ANKLE1: variants seen among roughly 807,000 people sequenced by gnomAD.
ANKLE1 encodes ankyrin repeat and LEM domain containing 1, also known as structure-specific endonuclease ANKLE1.
A neutral mutation model predicts 56.2 loss-of-function variants in ANKLE1; 59 were observed. The observed-to-expected ratio is 1.05, with a 90% confidence interval of 0.85 to 1.30. ANKLE1 has a LOEUF of 1.30. Among genes scored for constraint, ANKLE1 ranks in the 50% most tolerant of loss-of-function variants. The probability of loss-of-function intolerance (pLI) is 0.00; values close to 1 mark genes in which losing one functional copy is unlikely to be tolerated. For synonymous variants in ANKLE1, 341 were observed against 352.9 expected, an observed-to-expected ratio of 0.97 and a Z score of 0.38; for missense variants, 771 against 816.1, an observed-to-expected ratio of 0.94 and a Z score of 0.67.
rs775134570 is a variant in ANKLE1 at position 17,283,584 on chromosome 19, C to T, written c.820C>T (p.Arg274Cys). The change falls in exon 5 of 9, where the codon CGT becomes TGT. Residue 274 changes from arginine (R) to cysteine (C), a missense_variant. By Grantham distance (180) the Arg-to-Cys change is radical. Transcript: ENST00000404085. The part of the protein sequence containing the change: ...SQGTEAELNA[R>C]LQALTLTPPN... ...GGGCACGGAGGCAGAACTGAATGCCCGTCTGCAGGCCCTGACTCTGACCCC... is the reference window on the plus strand; with the variant it reads ...GGGCACGGAGGCAGAACTGAATGCCTGTCTGCAGGCCCTGACTCTGACCCC... 2.7e-5 allele frequency: 43 copies of T among 1,612,114 alleles called. No homozygotes were observed. Among genetic ancestry groups the T allele is most frequent in the Non-Finnish European group, 3.1e-5 (36 of 1,179,192 alleles).
In ANKLE1 at chr19:17,285,706, G is replaced by A. The variant is rs745821293; in HGVS notation, c.1562G>A (p.Arg521His). 43 of 1,613,838 alleles carry A rather than the reference G, an allele frequency of 2.7e-5. No individual in the cohort carries two copies. Among genetic ancestry groups the A allele is most frequent in the Middle Eastern group, 1.6e-4 (1 of 6,084 alleles). ...CCCCACCAGGCCTGCCCCAAGGTGC[G>A]TCAGATCTTGGACATCTGGGCCAGT... Reference protein sequence around the residue: ...KQPHQACPKVRQILDIWASGC... With the variant: ...KQPHQACPKVHQILDIWASGC... The change falls in exon 8 of 9, where the codon CGT becomes CAT. Residue 521 changes from arginine to histidine, a missense_variant. Coordinates refer to ENST00000404085, the MANE Select transcript of ANKLE1 (RefSeq NM_152363.6).
chr19:17,283,535 C>T lies in ANKLE1; in HGVS notation c.771C>T (p.Ala257=), dbSNP rs755288636. The T allele has an allele frequency of 1.4e-5, 23 of 1,612,950 alleles. No individual in the cohort carries two copies. The highest frequency in any genetic ancestry group is 1.9e-5 in the Non-Finnish European group (23 of 1,179,786). Reference sequence around the variant, plus strand: ...AGGGACTTCTGCATGTTGTCCATGCCAACCAGAGGGTACCTAGGTCTCAGG... The same window carrying T: ...AGGGACTTCTGCATGTTGTCCATGCTAACCAGAGGGTACCTAGGTCTCAGG... ...TRQGLLHVVH[A]NQRVPRSQGT... The change falls in exon 5 of 9, where the codon GCC becomes GCT. Residue 257 remains alanine (A), a synonymous_variant. Transcript: ENST00000404085.
In ANKLE1 at chr19:17,287,449, A is replaced by C. The variant is rs889161092; in HGVS notation, c.*897A>C. On this transcript the variant is annotated 3_prime_UTR_variant, in exon 9 of 9. Transcript: ENST00000404085. Reference sequence around the variant, plus strand: ...CTGTCTCAAACAAACAAACAAAAAAACAAATGCCACATCAACATCAGGACG... The same window carrying C: ...CTGTCTCAAACAAACAAACAAAAAACCAAATGCCACATCAACATCAGGACG... The C allele has an allele frequency of 6.6e-6, 1 of 151,782 alleles. No homozygotes were observed. Among genetic ancestry groups the C allele is most frequent in the Admixed American group, 6.6e-5 (1 of 15,250 alleles). 9.4% of individuals were successfully genotyped at this position (151,782 alleles called of 1,614,324 possible).
Position 17,286,848 on chromosome 19 carries a change from A to G in ANKLE1, c.*296A>G. Reference sequence around the variant, plus strand: ...AGGGAAGCAGAAGGTGCTTTGGAACAGTCCGGTGCTTCTGTAAGAGGCGTT... The same window carrying G: ...AGGGAAGCAGAAGGTGCTTTGGAACGGTCCGGTGCTTCTGTAAGAGGCGTT... On this transcript the variant is annotated 3_prime_UTR_variant, in exon 9 of 9. Transcript: ENST00000404085. 1.7e-6 allele frequency: 2 copies of G among 1,208,860 alleles called. No homozygotes were observed. The highest frequency in any genetic ancestry group is 2.1e-6 in the Non-Finnish European group (2 of 962,194). 74.9% of individuals were successfully genotyped at this position (1,208,860 alleles called of 1,614,324 possible).
At chr19:17,285,636 G>T (rs1360708979) in intron 7 of ANKLE1, 45 bp from the exon 8 acceptor site, 1 of 1,613,898 alleles carries the variant, frequency 6.2e-7, no homozygotes, top group Non-Finnish European at 8.5e-7. Flanking sequence ...TCGGGCCATG[G>T]GCAGGGGAGG....
chr19:17,282,080 G>C lies in ANKLE1; in HGVS notation c.86G>C (p.Cys29Ser). 1 of 1,540,210 alleles carries C rather than the reference G, an allele frequency of 6.5e-7. No individual in the cohort carries two copies. The change falls in exon 2 of 9, where the codon TGC (cysteine) becomes TCC (serine). Residue 29 changes from cysteine (C) to serine (S), a missense_variant. By Grantham distance (112) the Cys-to-Ser change is moderately radical. Coordinates refer to ENST00000404085, the MANE Select transcript of ANKLE1 (RefSeq NM_152363.6). ...AGGGCAGTAGAGGAGCTGCTGCGCTGCGGCGCGGACCCTAATTTGGTGCTA... is the reference window on the plus strand; with the variant it reads ...AGGGCAGTAGAGGAGCTGCTGCGCTCCGGCGCGGACCCTAATTTGGTGCTA... ...EPWAVEELLR[C>S]GADPNLVLED...
Position 17,286,780 on chromosome 19 carries a change from A to C in ANKLE1, c.*228A>C. 7.1e-7 allele frequency: 1 copy of C among 1,401,376 alleles called. No homozygotes were observed. Among genetic ancestry groups the C allele is most frequent in the Non-Finnish European group, 9.3e-7 (1 of 1,073,374 alleles). 86.8% of individuals were successfully genotyped at this position (1,401,376 alleles called of 1,614,324 possible). A position where few individuals can be genotyped will look rare whatever the true frequency, so the allele number is the denominator to read the frequency against. On this transcript the variant is annotated 3_prime_UTR_variant, in exon 9 of 9. Transcript: ENST00000404085. ...TTTGTTACAGATGGTACTGCTGGAG[A>C]GGTAGTAAGTAGTGAGCTCCCCATC...
rs745915734 is a variant in ANKLE1 at position 17,285,792 on chromosome 19, C to T, written c.1648C>T (p.Arg550Trp). 63 of 1,613,750 alleles carry T rather than the reference C, an allele frequency of 3.9e-5. No homozygotes were observed. Among genetic ancestry groups the T allele is most frequent in the South Asian group, 2.9e-4 (26 of 91,068 alleles). ...QHVVAVEAYT[R>W]EACIVEALGI... ...CGTGGTCGCTGTGGAGGCTTATACACGGGAGGCGTGTATTGTGGAAGCCCT... is the reference window on the plus strand; with the variant it reads ...CGTGGTCGCTGTGGAGGCTTATACATGGGAGGCGTGTATTGTGGAAGCCCT... Residue 550 changes from arginine (R) to tryptophan (W), a missense_variant, in exon 8 of 9, where the codon CGG (arginine) becomes TGG (tryptophan). Transcript: ENST00000404085.
At position 17,286,599 on chromosome 19, in the gene ANKLE1, TC is replaced by T; in HGVS notation, c.*49del. On this transcript the variant is annotated 3_prime_UTR_variant, in exon 9 of 9. Coordinates refer to ENST00000404085, the MANE Select transcript of ANKLE1 (RefSeq NM_152363.6). ...AGCCTGGGGAGAAATGTTTGAATGT[TC>T]CAGCTGCCCCATGCTGACAGCAGCC... 3.8e-6 allele frequency: 6 copies of T among 1,562,270 alleles called. No individual in the cohort carries two copies. Among genetic ancestry groups the T allele is most frequent in the Non-Finnish European group, 5.2e-6 (6 of 1,154,240 alleles).
intron 8 of ANKLE1, 104 bp from the exon 9 acceptor site, chr19:17,286,276 A>G: frequency 2.1e-6 from 3 of 1,421,506 alleles, no homozygotes; most frequent in Non-Finnish European, 2.8e-6. Flanking sequence ...TGTTGGGATT[A>G]CAGGCGTGAG....
chr19:17,283,660 A>G lies in ANKLE1; in HGVS notation c.896A>G (p.Asp299Gly), dbSNP rs530489570. Residue 299 changes from aspartate to glycine, a missense_variant, in exon 5 of 9, where the codon GAC becomes GGC. Transcript: ENST00000404085. ...QSSPSSMPLL[D>G]RSPAHSPPRT... ...TCCCCTTCCTCCATGCCTCTCCTGG[A>G]CAGGAGTCCAGCTCATAGCCCCCCA... 2.0e-5 allele frequency: 32 copies of G among 1,613,384 alleles called. No individual in the cohort carries two copies. In the South Asian group the frequency reaches 2.5e-4, roughly 13 times the overall value.
chr19:17,283,074 C>G, intron 4 of ANKLE1, 72 bp downstream of exon 4: 1 of 1,536,308 alleles, frequency 6.5e-7, no homozygotes. Context: ...TCTTCCCCAC[C>G]CCACCCATTG....
rs370950297 is a variant in ANKLE1, at chr19:17,285,773, C to T, written c.1629C>T (p.Val543=). ...VVSLHCFQHV[V]AVEAYTREAC... is the part of the protein sequence containing the mutation. ...CCCTACATTGCTTCCAGCACGTGGT[C>T]GCTGTGGAGGCTTATACACGGGAGG... The change falls in exon 8 of 9, where the codon GTC becomes GTT. Residue 543 remains valine, a synonymous_variant. Transcript: ENST00000404085. The T allele has an allele frequency of 5.8e-5, 93 of 1,613,710 alleles. No individual in the cohort carries two copies. The highest frequency in any genetic ancestry group is 7.5e-5 in the Non-Finnish European group (88 of 1,179,880).
chr19:17,285,645 G>A (rs1021233625), intron 7 of ANKLE1, 36 bp from the exon 8 acceptor site: 26 of 1,613,792 alleles, frequency 1.6e-5, no homozygotes, highest in Non-Finnish European at 2.1e-5. Flanking sequence ...GGGCAGGGGA[G>A]GGTATTGGGG....
intron 6 of ANKLE1, 75 bp downstream of exon 6, chr19:17,284,341 TAAGA>T: frequency 6.9e-7 from 1 of 1,443,258 alleles, no homozygotes; most frequent in Non-Finnish European, 9.5e-7. Flanking sequence ...TGTGTGCCCT[TAAGA>T]AAGGGACTGG....
chr19:17,284,154 G>A lies in ANKLE1; in HGVS notation c.1264G>A (p.Val422Ile). Residue 422 changes from valine to isoleucine, a missense_variant, in exon 6 of 9, where the codon GTC becomes ATC. Transcript: ENST00000404085. ...AALRTGCIPD[V>I]QADEDALAQQ... is the part of the protein sequence containing the mutation. ...CCTGCGGACGGGCTGTATTCCAGAT[G>A]TCCAGGCAGATGAAGACGCGCTGGC... The A allele has an allele frequency of 1.2e-6, 2 of 1,613,926 alleles. No homozygotes were observed. Among genetic ancestry groups the A allele is most frequent in the Non-Finnish European group, 1.7e-6 (2 of 1,179,896 alleles).
rs1394128337 is a variant in ANKLE1, at chr19:17,283,382, G to A, written c.618G>A (p.Ser206=). The change falls in exon 5 of 9, where the codon TCG becomes TCA. Residue 206 remains serine (S), a synonymous_variant. Transcript: ENST00000404085. ...PLETVDKHGS[S]ASPPGHWDYS... ...AAACTGTGGACAAACATGGGAGCTC[G>A]GCGTCCCCTCCAGGGCACTGGGATT... The A allele has an allele frequency of 6.2e-6, 10 of 1,613,680 alleles. No individual in the cohort carries two copies. In the East Asian group the frequency reaches 1.1e-4, roughly 18 times the overall value.
chr19:17,281,952 T>G lies in ANKLE1; in HGVS notation c.32T>G (p.Leu11Trp), dbSNP rs1364661315. MCSEARLARR[L>W]RDALREEEPW... The stretch of plus-strand genomic sequence containing the variant: ...TCGGAGGCCCGCCTGGCTCGCAGGT[T>G]GCGGGATGCGCTGCGGGAGGAGGAG... The change falls in exon 1 of 9, where the codon TTG (leucine) becomes TGG (tryptophan). Residue 11 changes from leucine to tryptophan, a missense_variant. Leu to Trp is a moderately conservative substitution (Grantham distance 61). Coordinates refer to ENST00000404085, the MANE Select transcript of ANKLE1 (RefSeq NM_152363.6). The G allele has an allele frequency of 3.9e-6, 6 of 1,533,988 alleles. No individual in the cohort carries two copies. The Admixed American group carries it at 1.2e-4, about 30-fold the overall frequency.
At chr19:17,286,350 C>T (rs1407265431) in intron 8 of ANKLE1, 30 bp from the exon 9 acceptor site, 2 of 1,528,268 alleles carry the variant, frequency 1.3e-6, no homozygotes, top group South Asian at 1.3e-5. Context: ...CCCATGGCTG[C>T]CCCTGTGACC....
Sources: gnomAD v4.1 joint callset for allele counts on GRCh38, gnomAD v4.1.1 for gene constraint, MANE v1.5 for transcripts, NCBI Gene and HGNC (gene_info 2026-07-23, HGNC 2026-07-21) for gene names.